Variants in TBC1D30 observed in about 807,000 individuals in gnomAD.
The protein encoded by TBC1D30 is TBC1 domain family, member 30.
In TBC1D30, 31 loss-of-function variants were observed where a neutral mutation model predicts 63.2. That is an observed-to-expected ratio of 0.49 (90% CI 0.37 to 0.66). The LOEUF (loss-of-function observed/expected upper bound fraction) is 0.66, where lower values mean the gene tolerates loss of function less well. Among genes scored for constraint, TBC1D30 ranks in the 30% least tolerant of loss-of-function variants. TBC1D30 has a pLI of 0.00. For missense variants in TBC1D30, 810 were observed against 953.6 expected (o/e 0.85, Z 1.98); for synonymous variants, 307 against 361.5 (o/e 0.85, Z 1.71).
chr12:64,793,082 G>A (rs748957063), intron 2 of TBC1D30, among the ~76,000 whole-genome samples: 11 of 152,152 alleles, frequency 7.2e-5, no homozygotes, highest in Non-Finnish European at 1.5e-4. Context: ...TCTCACACCT[G>A]TAATCCTATT....
chr12:64,872,210 T>G (rs111584446), intron 11 of TBC1D30, among the ~76,000 whole-genome samples: 1,859 of 152,290 alleles, frequency 0.012, 52 homozygotes, highest in African/African-American at 0.043. Flanking sequence ...GTATTTTTAG[T>G]AGAGACGGGA....
intron 5 of TBC1D30, among the ~76,000 whole-genome samples, chr12:64,834,428 A>G (rs1279767951): frequency 8.1e-6 from 1 of 124,048 alleles, no homozygotes; most frequent in Non-Finnish European, 1.6e-5. Flanking sequence ...TTTTTTTGAG[A>G]TAGAGTCTTG....
At chr12:64,835,930 A>G (rs1320363903) in intron 5 of TBC1D30, among the ~76,000 whole-genome samples, 1 of 152,218 alleles carries the variant, frequency 6.6e-6, no homozygotes, top group Non-Finnish European at 1.5e-5. Context: ...TGAAAGAAAT[A>G]CAGATTCTGA....
chr12:64,786,209 G>A (rs1871561313), intron 2 of TBC1D30, among the ~76,000 whole-genome samples: 1 of 152,160 alleles, frequency 6.6e-6, no homozygotes, highest in South Asian at 2.1e-4. Context: ...CTATTTTTCA[G>A]TTAAAATGTA....
chr12:64,794,370 C>G (rs1409313773), intron 2 of TBC1D30, among the ~76,000 whole-genome samples: 3 of 151,946 alleles, frequency 2.0e-5, no homozygotes, highest in Non-Finnish European at 4.4e-5. Flanking sequence ...CCTCCTTTTT[C>G]TTTTTTCTTT....
At position 64,867,374 on chromosome 12, in the gene TBC1D30, C is replaced by T. The variant is rs570226293; in HGVS notation, c.1291+471C>T. 1.3e-3 allele frequency among the ~76,000 whole-genome samples: 204 copies of T among 151,706 alleles called. 1 individual carries two copies. The highest frequency in any genetic ancestry group is 3.4e-3 in the Middle Eastern group (1 of 292). On this transcript the variant is annotated intron_variant, in intron 10 of 11. Transcript: ENST00000539867. ...GCTTGGGAGGCTGAGGCAGGAGAAT[C>T]GCTTGAACCCAGGAGGCAGAGGTTG...
chr12:64,773,713 C>G (rs1459390236), intron 1 of TBC1D30, among the ~76,000 whole-genome samples: 1 of 152,168 alleles, frequency 6.6e-6, no homozygotes, highest in Non-Finnish European at 1.5e-5. Flanking sequence ...TGACTGGGAC[C>G]AGGCTGCCAG....
intron 9 of TBC1D30, among the ~76,000 whole-genome samples, chr12:64,866,075 A>C (rs976899704): frequency 6.6e-6 from 1 of 152,024 alleles, no homozygotes; most frequent in African/African-American, 2.4e-5. Flanking sequence ...TCGCTATGTT[A>C]CCCAGTCTGG....
Position 64,838,856 on chromosome 12 carries a change from G to A in TBC1D30, c.932+5G>A, listed in dbSNP as rs1875597002. ...TATCTGGGCAAAATTAGGAGAGTAA[G>A]TGATTTCCACCTTCTGCTCTGTTCT... On this transcript the variant is annotated splice_donor_5th_base_variant and intron_variant, in intron 7 of 11. Coordinates refer to ENST00000539867, the MANE Select transcript of TBC1D30 (RefSeq NM_015279.2). 6.5e-7 allele frequency: 1 copy of A among 1,535,956 alleles called. No homozygotes were observed. Among genetic ancestry groups the A allele is most frequent in the Non-Finnish European group, 8.7e-7 (1 of 1,146,808 alleles).
At chr12:64,850,468 G>A (rs1225586739) in intron 8 of TBC1D30, among the ~76,000 whole-genome samples, 2 of 152,170 alleles carry the variant, frequency 1.3e-5, no homozygotes, top group Non-Finnish European at 2.9e-5. Context: ...CTAGTTTATT[G>A]AGTGTTTTTA....
At chr12:64,825,088 G>A (rs1022545113) in intron 1 of TBC1D30, 55 bp downstream of exon 1, 3 of 1,500,298 alleles carry the variant, frequency 2.0e-6, no homozygotes, top group African/African-American at 1.4e-5. Context: ...GGGGCTGCCC[G>A]CGCTTCTGCC....
chr12:64,819,526 C>T (rs1873763891), intron 2 of TBC1D30, among the ~76,000 whole-genome samples: 2 of 150,292 alleles, frequency 1.3e-5, no homozygotes, highest in Admixed American at 1.3e-4. Context: ...AAGCGATTCT[C>T]CTGCCTCAGC....
intron 1 of TBC1D30, among the ~76,000 whole-genome samples, chr12:64,771,004 G>A (rs997970568): frequency 1.3e-5 from 2 of 151,646 alleles, no homozygotes; most frequent in African/African-American, 4.9e-5. Flanking sequence ...GAGCCACCAC[G>A]CCCGGCCAAA....
intron 8 of TBC1D30, among the ~76,000 whole-genome samples, chr12:64,844,045 C>T (rs116052334): frequency 0.014 from 2,204 of 152,248 alleles, 39 homozygotes; most frequent in African/African-American, 0.048. Context: ...CCTCCCACTG[C>T]GGCCTTCCTA....
chr12:64,781,822 G>T (rs1369008295), intron 1 of TBC1D30, among the ~76,000 whole-genome samples: 1 of 151,944 alleles, frequency 6.6e-6, no homozygotes, highest in Admixed American at 6.6e-5. Flanking sequence ...ATTTCTGCCA[G>T]AGCGTACGGT....
At chr12:64,823,870 G>T (rs145289431), upstream of TBC1D30, among the ~76,000 whole-genome samples, 652 of 152,192 alleles carry the variant, frequency 4.3e-3, 8 homozygotes, top group African/African-American at 0.014. Context: ...ATCAAGAGAG[G>T]ACTCAGTTTT....
chr12:64,819,753 C>T (rs1873776927), upstream of TBC1D30, among the ~76,000 whole-genome samples: 1 of 152,158 alleles, frequency 6.6e-6, no homozygotes, highest in Non-Finnish European at 1.5e-5. Context: ...GTAGAAAAGG[C>T]CACAGATCTT....
At chr12:64,793,311 C>T (rs1045406088) in intron 2 of TBC1D30, among the ~76,000 whole-genome samples, 9 of 151,578 alleles carry the variant, frequency 5.9e-5, no homozygotes, top group Non-Finnish European at 1.3e-4. Context: ...CCACTACCCT[C>T]CCACCTGGGT....
At chr12:64,805,774 A>G (rs1302620628) in intron 2 of TBC1D30, among the ~76,000 whole-genome samples, 4 of 152,124 alleles carry the variant, frequency 2.6e-5, no homozygotes, top group African/African-American at 9.7e-5. Flanking sequence ...TAGAGGTTGC[A>G]GTGAGCCGAG....
Sources: gnomAD v4.1 joint callset for allele counts (sites outside exome capture counted in the v4.1 genomes callset) on GRCh38, gnomAD v4.1.1 for gene constraint, MANE v1.5 for transcripts, NCBI Gene and HGNC (gene_info 2026-07-23, HGNC 2026-07-21) for gene names.